PPIA: variants seen among roughly 807,000 people sequenced by gnomAD.
PPIA encodes peptidylprolyl isomerase A.
Under a neutral mutation model 15.3 loss-of-function variants are expected in PPIA, and 2 were observed. That is an observed-to-expected ratio of 0.13 (90% CI 0.05 to 0.41). The LOEUF is 0.41. Ranked by LOEUF, PPIA falls within the 10% of genes least tolerant of loss-of-function variation. The pLI, the probability that PPIA is intolerant of heterozygous loss-of-function variation, is 0.99. For missense variants in PPIA, 103 were observed against 210.3 expected, an observed-to-expected ratio of 0.49 and a Z score of 3.16; for synonymous variants, 67 against 73.1, an observed-to-expected ratio of 0.92 and a Z score of 0.43.
At position 44,799,420 on chromosome 7, in the gene PPIA, G is replaced by T; in HGVS notation, c.129G>T (p.Glu43Asp). 6.2e-7 allele frequency: 1 copy of T among 1,613,194 alleles called. No individual in the cohort carries two copies. The change falls in exon 3 of 5, where the codon GAG becomes GAT. Residue 43 changes from glutamate to aspartate, a missense_variant. Coordinates refer to ENST00000468812, the MANE Select transcript of PPIA (RefSeq NM_021130.5). ...ATTTTCGTGCTCTGAGCACTGGAGA[G>T]AAAGGATTTGGTTATAAGGGTTCCT... ...AENFRALSTG[E>D]KGFGYKGSCF...
chr7:44,799,373 T>G lies in PPIA; in HGVS notation c.101-19T>G. On this transcript the variant is annotated intron_variant, in intron 2 of 4. Coordinates refer to ENST00000468812, the MANE Select transcript of PPIA (RefSeq NM_021130.5). ...TATTTTTATGTATGTATATATGTGT[T>G]TAATTTTTTTTTAAACAGAAAATTT... The G allele has an allele frequency of 6.2e-7, 1 of 1,610,298 alleles. No homozygotes were observed. The highest frequency in any genetic ancestry group is 8.5e-7 in the Non-Finnish European group (1 of 1,177,944).
chr7:44,796,880 G>C (rs941557635), intron 1 of PPIA, 87 bp downstream of exon 1: 25 of 1,411,222 alleles, frequency 1.8e-5, no homozygotes, highest in Non-Finnish European at 2.1e-5. Context: ...GCCCGGGCGC[G>C]GGGCGACCCT....
chr7:44,802,940 A>G lies in PPIA; in HGVS notation c.*1518A>G, dbSNP rs1009477937. ...ATTTGATCATTTGGTGTGTTGGGCA[A>G]TTTTTGTTTTACTGTCTGGTTCCTT... On this transcript the variant is annotated 3_prime_UTR_variant, in exon 5 of 5. Coordinates refer to ENST00000468812, the MANE Select transcript of PPIA (RefSeq NM_021130.5). The G allele has an allele frequency of 5.9e-5, 9 of 152,040 alleles. No homozygotes were observed. The highest frequency in any genetic ancestry group is 1.9e-4 in the African/African-American group (8 of 41,386). 9.4% of individuals were successfully genotyped at this position (152,040 alleles called of 1,614,324 possible).
rs1219286974 is a variant in PPIA, at chr7:44,801,966, G to A, written c.*544G>A. The A allele has an allele frequency of 6.4e-6, 1 of 157,468 alleles. No homozygotes were observed. The highest frequency in any genetic ancestry group is 1.4e-5 in the Non-Finnish European group (1 of 71,722). 9.8% of individuals were successfully genotyped at this position (157,468 alleles called of 1,614,324 possible). ...CCTAGTCCTAGCTGATCTGGAGGCT[G>A]ACGTGGGAGGATTGCTTGAGCCTAG... On this transcript the variant is annotated 3_prime_UTR_variant, in exon 5 of 5. Transcript: ENST00000468812.
At chr7:44,797,253 G>C (rs1792402446) in intron 1 of PPIA, among the ~76,000 whole-genome samples, 1 of 152,204 alleles carries the variant, frequency 6.6e-6, no homozygotes, top group Non-Finnish European at 1.5e-5. Context: ...TCCTGAGCTG[G>C]GAAGCTGTTT....
Position 44,800,004 on chromosome 7 carries a change from G to C in PPIA, c.362+130G>C. On this transcript the variant is annotated intron_variant, in intron 4 of 4. Transcript: ENST00000468812. ...TTTCATCCCTAAGATACTAGAAGAA[G>C]AGCATACATAAACGACAAATATAGC... is the stretch of plus-strand genomic sequence containing the variant. 3.2e-6 allele frequency: 3 copies of C among 949,116 alleles called. 1 individual carries two copies. Among genetic ancestry groups the C allele is most frequent in the South Asian group, 3.2e-5 (2 of 62,850 alleles). 58.8% of individuals were successfully genotyped at this position (949,116 alleles called of 1,614,324 possible).
Position 44,796,715 on chromosome 7 carries a change from A to T in PPIA, c.-10A>T, listed in dbSNP as rs6850. ...ACGCCACCGCCGAGGAAAACCGTGT[A>T]CTATTAGCCATGGTCAACCCCACCG... On this transcript the variant is annotated 5_prime_UTR_variant, in exon 1 of 5. Coordinates refer to ENST00000468812, the MANE Select transcript of PPIA (RefSeq NM_021130.5). 6.2e-7 allele frequency: 1 copy of T among 1,608,914 alleles called. No individual in the cohort carries two copies. Among genetic ancestry groups the T allele is most frequent in the Non-Finnish European group, 8.5e-7 (1 of 1,177,740 alleles).
rs144790995 is a variant in PPIA at position 44,801,822 on chromosome 7, G to A, written c.*400G>A. 1.0e-5 allele frequency: 2 copies of A among 197,600 alleles called. No homozygotes were observed. Among genetic ancestry groups the A allele is most frequent in the East Asian group, 1.6e-4 (1 of 6,180 alleles). The allele number at this position is 197,600 out of a possible 1,614,324, so 12.2% of individuals were successfully genotyped here. On this transcript the variant is annotated 3_prime_UTR_variant, in exon 5 of 5. Transcript: ENST00000468812. Reference sequence around the variant, plus strand: ...CAGCAACTGGGCATGGTGGCTCACTGTCTGTAATGTATTACCTGAGGCAGA... The same window carrying A: ...CAGCAACTGGGCATGGTGGCTCACTATCTGTAATGTATTACCTGAGGCAGA...
chr7:44,800,056 A>G lies in PPIA; in HGVS notation c.362+182A>G, dbSNP rs529449336. 5.9e-6 allele frequency: 4 copies of G among 674,548 alleles called. No homozygotes were observed. The South Asian group carries it at 5.9e-5, about 10-fold the overall frequency. 41.8% of individuals were successfully genotyped at this position (674,548 alleles called of 1,614,324 possible). A position where few individuals can be genotyped will look rare whatever the true frequency, so the allele number is the denominator to read the frequency against. On this transcript the variant is annotated intron_variant, in intron 4 of 4. Transcript: ENST00000468812. ...AATGTGATACAGAATGTCAGATACT[A>G]TGATAGAAACTTGGCCCTTAGCTGG...
intron 1 of PPIA, chr7:44,798,797 T>C: frequency 1.0e-6 from 1 of 992,678 alleles, no homozygotes. Flanking sequence ...TCCATAAAGC[T>C]ATGTTAACAG....
intron 4 of PPIA, 62 bp downstream of exon 4, chr7:44,799,936 G>A (rs1427676694): frequency 2.4e-5 from 36 of 1,521,048 alleles, no homozygotes; most frequent in Middle Eastern, 1.7e-4. Flanking sequence ...TGGGGGGAAC[G>A]GAACAAACAC....
At position 44,796,736 on chromosome 7, in the gene PPIA, C is replaced by T. The variant is rs775674262; in HGVS notation, c.12C>T (p.Pro4=). 1.1e-5 allele frequency: 18 copies of T among 1,610,452 alleles called. No individual in the cohort carries two copies. The highest frequency in any genetic ancestry group is 5.0e-5 in the Admixed American group (3 of 59,952). MVN[P]TVFFDIAVDG... The stretch of plus-strand genomic sequence containing the variant: ...GTGTACTATTAGCCATGGTCAACCC[C>T]ACCGTGTTCTTCGACATTGCCGTCG... The change falls in exon 1 of 5, where the codon CCC becomes CCT. Residue 4 remains proline (P), a synonymous_variant. Coordinates refer to ENST00000468812, the MANE Select transcript of PPIA (RefSeq NM_021130.5).
chr7:44,796,791 G>T lies in PPIA; in HGVS notation c.67G>T (p.Glu23Ter). The T allele has an allele frequency of 6.2e-7, 1 of 1,605,718 alleles. No individual in the cohort carries two copies. The highest frequency in any genetic ancestry group is 8.5e-7 in the Non-Finnish European group (1 of 1,176,790). ...DGEPLGRVSFELFADKVPKTA... is the reference protein window; with the variant it reads ...DGEPLGRVSF Reference sequence around the variant, plus strand: ...CGAGCCCTTGGGCCGCGTCTCCTTTGAGGTCGGGCGGGCGGCGGCGTGCGG... The same window carrying T: ...CGAGCCCTTGGGCCGCGTCTCCTTTTAGGTCGGGCGGGCGGCGGCGTGCGG... The change falls in exon 1 of 5, where the codon GAG (glutamate) becomes TAG (stop). Residue 23 changes from glutamate to a stop codon, truncating the protein, a stop_gained and splice_region_variant. Coordinates refer to ENST00000468812, the MANE Select transcript of PPIA (RefSeq NM_021130.5). LOFTEE classifies it high-confidence loss of function.
At chr7:44,799,932 G>A in intron 4 of PPIA, 58 bp downstream of exon 4, 1 of 1,545,622 alleles carries the variant, frequency 6.5e-7, no homozygotes. Context: ...GCCCTGGGGG[G>A]AACGGAACAA....
chr7:44,799,359 A>G (rs1259907558), intron 2 of PPIA, 33 bp from the exon 3 acceptor site: 8 of 1,600,450 alleles, frequency 5.0e-6, no homozygotes, highest in African/African-American at 1.3e-5. Flanking sequence ...ATTTTTATGT[A>G]TGTATATATG....
chr7:44,798,681 T>C lies in PPIA; in HGVS notation c.70-566T>C, dbSNP rs17860062. On this transcript the variant is annotated intron_variant, in intron 1 of 4. Transcript: ENST00000468812. ...CTACCTCTCTAGCCATAACGTATTA[T>C]ACATTCAAGAAAGGTTCAAAACCAG... 3.3e-3 allele frequency: 2,961 copies of C among 906,300 alleles called. 11 individuals carry two copies. Among genetic ancestry groups the C allele is most frequent in the Admixed American group, 7.5e-3 (122 of 16,254 alleles). 56.1% of individuals were successfully genotyped at this position (906,300 alleles called of 1,614,324 possible). A position where few individuals can be genotyped will look rare whatever the true frequency, so the allele number is the denominator to read the frequency against.
chr7:44,797,447 C>T (rs1792410051), intron 1 of PPIA, among the ~76,000 whole-genome samples: 1 of 152,164 alleles, frequency 6.6e-6, no homozygotes, highest in Non-Finnish European at 1.5e-5. Flanking sequence ...CCCTCCGTGT[C>T]CCCCACCCCC....
chr7:44,799,521 CTTCA>C, intron 3 of PPIA, 41 bp downstream of exon 3: 1 of 1,600,042 alleles, frequency 6.2e-7, no homozygotes, highest in Middle Eastern at 1.7e-4. Flanking sequence ...GGGTTGCTCC[CTTCA>C]TTTGGGATTG....
chr7:44,801,164 A>G lies in PPIA; in HGVS notation c.363-123A>G, dbSNP rs113453780. On this transcript the variant is annotated intron_variant, in intron 4 of 4. Transcript: ENST00000468812. Reference sequence around the variant, plus strand: ...TAATTGGAGAATCATGTTTAATGACATTTAGTACAAAAGGCTTCAGTTAAA... The same window carrying G: ...TAATTGGAGAATCATGTTTAATGACGTTTAGTACAAAAGGCTTCAGTTAAA... 2,105 of 1,147,164 alleles carry G rather than the reference A, an allele frequency of 1.8e-3. 25 individuals carry two copies. In the African/African-American group the frequency reaches 0.028, roughly 15 times the overall value. 71.1% of individuals were successfully genotyped at this position (1,147,164 alleles called of 1,614,324 possible). A position where few individuals can be genotyped will look rare whatever the true frequency, so the allele number is the denominator to read the frequency against.
Sources: gnomAD v4.1 joint callset for allele counts (sites outside exome capture counted in the v4.1 genomes callset) on GRCh38, gnomAD v4.1.1 for gene constraint, MANE v1.5 for transcripts, NCBI Gene and HGNC (gene_info 2026-07-23, HGNC 2026-07-21) for gene names.